MDN1: variants seen among roughly 807,000 people sequenced by gnomAD.
MDN1 encodes midasin.
In MDN1, 266 loss-of-function variants were observed where a neutral mutation model predicts 669.2. The observed-to-expected ratio is 0.40, with a 90% CI of 0.36 to 0.44. The LOEUF is 0.44. Ranked by LOEUF, MDN1 falls within the 20% of genes least tolerant of loss-of-function variation. MDN1 has a pLI of 1.00. For missense variants in MDN1, 5,940 were observed against 6,754.0 expected (o/e 0.88, Z 4.22); for synonymous variants, 2,385 against 2,457.1 (o/e 0.97, Z 0.87).
intron 62 of MDN1, among the ~76,000 whole-genome samples, chr6:89,693,593 T>A (rs1003835818): frequency 6.6e-6 from 1 of 152,162 alleles, no homozygotes; most frequent in African/African-American, 2.4e-5. Flanking sequence ...CCAGACAATA[T>A]GACACTTAAA....
At chr6:89,707,326 CTTAA>C (rs1813579958) in intron 52 of MDN1, 31 bp downstream of exon 52, 14 of 1,439,232 alleles carry the variant, frequency 9.7e-6, no homozygotes, top group African/African-American at 1.4e-5. Context: ...CAATCAGATG[CTTAA>C]TTAGAGAACA....
At chr6:89,773,035 C>T (rs921390387) in intron 13 of MDN1, among the ~76,000 whole-genome samples, 51 of 152,304 alleles carry the variant, frequency 3.3e-4, no homozygotes, top group African/African-American at 1.1e-3. Context: ...GTTTCCTCAC[C>T]TGTAAGATGT....
At chr6:89,654,983 A>C (rs1809155060) in intron 92 of MDN1, among the ~76,000 whole-genome samples, 3 of 152,220 alleles carry the variant, frequency 2.0e-5, no homozygotes, top group African/African-American at 7.2e-5. Context: ...AGTGTACTTA[A>C]CTATACAACA....
At chr6:89,677,457 A>C (rs1811273254) in intron 76 of MDN1, 113 bp downstream of exon 76, 11 of 1,338,746 alleles carry the variant, frequency 8.2e-6, no homozygotes, top group Non-Finnish European at 1.1e-5. Context: ...TGTAAGTGGT[A>C]GCCACAGTGG....
intron 1 of MDN1, among the ~76,000 whole-genome samples, chr6:89,803,904 TTTTTTTTTTTTTTTG>T (rs1019864659): frequency 2.3e-4 from 24 of 104,196 alleles, no homozygotes; most frequent in African/African-American, 1.0e-3. Context: ...TCTTTTTTTT[TTTTTTTTTTTTTTTG>T]GAGACAGAGT....
intron 50 of MDN1, among the ~76,000 whole-genome samples, chr6:89,709,946 G>C (rs929791765): frequency 6.6e-6 from 1 of 152,174 alleles, no homozygotes; most frequent in African/African-American, 2.4e-5. Context: ...GCCCAGGCTA[G>C]AATGCAGTCA....
chr6:89,780,220 A>G lies in MDN1; in HGVS notation c.1717T>C (p.Phe573Leu). 1 of 1,563,682 alleles carries G rather than the reference A, an allele frequency of 6.4e-7. No individual in the cohort carries two copies. Among genetic ancestry groups the G allele is most frequent in the Non-Finnish European group, 8.7e-7 (1 of 1,154,572 alleles). Residue 573 changes from phenylalanine (F) to leucine (L), a missense_variant, in exon 11 of 102, where the codon TTT (phenylalanine) becomes CTT (leucine). Coordinates refer to ENST00000369393, the MANE Select transcript of MDN1 (RefSeq NM_014611.3). ...SSSLSASLNI[F>L]QEALDCFTAM... ...GGAAAACTATATCTTACCTCTTGAA[A>G]AATATTTAATGATGCTGATAAAGAT...
Position 89,745,424 on chromosome 6 carries a change from A to G in MDN1, c.4040-13T>C. 6.2e-7 allele frequency: 1 copy of G among 1,614,046 alleles called. No individual in the cohort carries two copies. Among genetic ancestry groups the G allele is most frequent in the South Asian group, 1.1e-5 (1 of 91,048 alleles). ...GTAGACAATTTACCTATCCAAGGAAAAATAAATATTTAGATTCTAATGAGT... is the reference window on the plus strand; with the variant it reads ...GTAGACAATTTACCTATCCAAGGAAGAATAAATATTTAGATTCTAATGAGT... On this transcript the variant is annotated splice_polypyrimidine_tract_variant and intron_variant, in intron 28 of 101. Coordinates refer to ENST00000369393, the MANE Select transcript of MDN1 (RefSeq NM_014611.3).
chr6:89,664,203 CAT>C (rs1335235623), intron 85 of MDN1, among the ~76,000 whole-genome samples: 1 of 116,470 alleles, frequency 8.6e-6, no homozygotes, highest in Non-Finnish European at 1.7e-5. Flanking sequence ...AGCCCTTTTC[CAT>C]TAGGGATCAT....
intron 1 of MDN1, chr6:89,815,059 G>T: frequency 2.1e-6 from 1 of 482,726 alleles, no homozygotes; most frequent in South Asian, 1.8e-5. Flanking sequence ...ACAAAAGGGA[G>T]AGCAGTGTCT....
chr6:89,766,541 G>A (rs553764984), intron 15 of MDN1, among the ~76,000 whole-genome samples: 232 of 152,246 alleles, frequency 1.5e-3, no homozygotes, highest in African/African-American at 5.3e-3. Context: ...TTTTCAAACC[G>A]TCTTCTGCAG....
At chr6:89,763,459 G>A (rs1284103126) in intron 15 of MDN1, among the ~76,000 whole-genome samples, 1 of 152,020 alleles carries the variant, frequency 6.6e-6, no homozygotes, top group Admixed American at 6.5e-5. Context: ...TCTGGCTAAG[G>A]AGCTAGGAAA....
At position 89,693,130 on chromosome 6, in the gene MDN1, C is replaced by A. The variant is rs1290023637; in HGVS notation, c.9900G>T (p.Met3300Ile). The A allele has an allele frequency of 6.3e-7, 1 of 1,588,614 alleles. No homozygotes were observed. The highest frequency in any genetic ancestry group is 1.8e-5 in the Admixed American group (1 of 54,522). ...GACAGGTTAAATTATCCAGCCGATC[C>A]ATCCTTTGGCGAAGCAGCCTAACGG... ...HPHVRLLRQRMDRLDNLTCHL... is the reference protein window; with the variant it reads ...HPHVRLLRQRIDRLDNLTCHL... The change falls in exon 63 of 102, where the codon ATG (methionine) becomes ATT (isoleucine). Residue 3300 changes from methionine to isoleucine, a missense_variant. Physicochemically the swap from Met to Ile is conservative, Grantham distance 10. Coordinates refer to ENST00000369393, the MANE Select transcript of MDN1 (RefSeq NM_014611.3).
At chr6:89,726,925 A>G (rs1815273683) in intron 37 of MDN1, among the ~76,000 whole-genome samples, 2 of 152,224 alleles carry the variant, frequency 1.3e-5, no homozygotes, top group South Asian at 4.1e-4. Flanking sequence ...CCGCTCTTAA[A>G]TGTGTTTATA....
At chr6:89,767,605 A>G (rs1817862147) in intron 15 of MDN1, among the ~76,000 whole-genome samples, 1 of 152,136 alleles carries the variant, frequency 6.6e-6, no homozygotes, top group African/African-American at 2.4e-5. Context: ...TAAAAATACA[A>G]AATTATCCGA....
At chr6:89,724,015 C>A (rs1470560032) in intron 38 of MDN1, among the ~76,000 whole-genome samples, 2 of 151,970 alleles carry the variant, frequency 1.3e-5, no homozygotes, top group African/African-American at 2.4e-5. Context: ...TAGTGGCATG[C>A]GCCTGTAGTC....
At position 89,789,979 on chromosome 6, in the gene MDN1, T is replaced by TCA. The variant is rs1195377623; in HGVS notation, c.1099-69_1099-68insTG. 10 of 1,590,898 alleles carry TCA rather than the reference T, an allele frequency of 6.3e-6. No individual in the cohort carries two copies. In the African/African-American group the frequency reaches 1.4e-4, roughly 22 times the overall value. On this transcript the variant is annotated intron_variant, in intron 6 of 101. Coordinates refer to ENST00000369393, the MANE Select transcript of MDN1 (RefSeq NM_014611.3). ...TAGTGGCAATGCTACATCCTTTGATTAACTGTTAATCTTCTATAGGTAGGT... is the reference window on the plus strand; with the variant it reads ...TAGTGGCAATGCTACATCCTTTGATTCAAACTGTTAATCTTCTATAGGTAGGT...
At chr6:89,682,535 T>C (rs1310733772) in intron 73 of MDN1, among the ~76,000 whole-genome samples, 3 of 151,672 alleles carry the variant, frequency 2.0e-5, no homozygotes, top group Non-Finnish European at 4.4e-5. Flanking sequence ...AGTGAAACCC[T>C]GTCTCTACTA....
At chr6:89,644,285 A>G in intron 101 of MDN1, 92 bp from the exon 102 acceptor site, 1 of 1,059,262 alleles carries the variant, frequency 9.4e-7, no homozygotes, top group East Asian at 2.4e-5. Context: ...TAACTTTTAC[A>G]TCTCCTGTGT....
Sources: gnomAD v4.1 joint callset for allele counts (sites outside exome capture counted in the v4.1 genomes callset) on GRCh38, gnomAD v4.1.1 for gene constraint, MANE v1.5 for transcripts, NCBI Gene and HGNC (gene_info 2026-07-23, HGNC 2026-07-21) for gene names.